The following TEAD1 variants were observed in gnomAD, a reference collection of about 807,000 sequenced individuals.
TEAD1 encodes the protein TEA domain transcription factor 1.
A neutral mutation model predicts 54.9 loss-of-function variants in TEAD1; 9 were observed. The ratio of observed to expected loss-of-function variants is 0.16; its 90% confidence interval spans 0.10 to 0.29. The LOEUF is 0.29. Among genes scored for constraint, TEAD1 ranks in the 10% least tolerant of loss-of-function variants. The probability of loss-of-function intolerance (pLI) is 1.00; values close to 1 mark genes in which losing one functional copy is unlikely to be tolerated. For synonymous variants in TEAD1, 200 were observed against 187.8 expected (o/e 1.07, Z -0.53); for missense variants, 387 against 535.9 (o/e 0.72, Z 2.74).
intron 2 of TEAD1, among the ~76,000 whole-genome samples, chr11:12,709,108 G>A (rs984913534): frequency 2.6e-5 from 4 of 152,094 alleles, no homozygotes; most frequent in Admixed American, 2.0e-4. Flanking sequence ...GAGGCCAAGT[G>A]GGGTGGATAT....
chr11:12,738,742 G>T (rs780162503), intron 2 of TEAD1, among the ~76,000 whole-genome samples: 1 of 152,144 alleles, frequency 6.6e-6, no homozygotes, highest in East Asian at 1.9e-4. Context: ...CCTTAAGACA[G>T]CCTGGCATGT....
At chr11:12,764,506 C>A in intron 3 of TEAD1, 72 bp downstream of exon 3, 2 of 1,554,460 alleles carry the variant, frequency 1.3e-6, no homozygotes, top group South Asian at 2.2e-5. Context: ...TGTAGCTGGT[C>A]TTCCAGCAAG....
chr11:12,895,083 A>G (rs1948284320), intron 9 of TEAD1, among the ~76,000 whole-genome samples: 1 of 152,118 alleles, frequency 6.6e-6, no homozygotes, highest in Admixed American at 6.6e-5. Context: ...CTGACACCAC[A>G]GTCCAGGTGT....
At chr11:12,833,978 T>C (rs556498952) in intron 3 of TEAD1, among the ~76,000 whole-genome samples, 2 of 152,324 alleles carry the variant, frequency 1.3e-5, no homozygotes, top group East Asian at 3.9e-4. Context: ...CACAGGCAGT[T>C]ATGTAAGGAC....
chr11:12,869,234 G>T (rs1947688381), intron 5 of TEAD1, among the ~76,000 whole-genome samples: 2 of 152,160 alleles, frequency 1.3e-5, no homozygotes, highest in African/African-American at 4.8e-5. Context: ...TAGCTAATAA[G>T]AGGGAGGCCA....
At chr11:12,689,873 A>G (rs945193733) in intron 2 of TEAD1, among the ~76,000 whole-genome samples, 2 of 151,824 alleles carry the variant, frequency 1.3e-5, no homozygotes, top group Non-Finnish European at 2.9e-5. Flanking sequence ...ATTAGTACAT[A>G]TTTTAAAAAT....
At chr11:12,768,998 G>T (rs556726525) in intron 3 of TEAD1, among the ~76,000 whole-genome samples, 1 of 152,180 alleles carries the variant, frequency 6.6e-6, no homozygotes, top group African/African-American at 2.4e-5. Context: ...CCTGGCCTCG[G>T]TAGTGGCCAG....
chr11:12,846,921 C>G (rs1564962027), intron 3 of TEAD1, among the ~76,000 whole-genome samples: 1 of 152,178 alleles, frequency 6.6e-6, no homozygotes, highest in African/African-American at 2.4e-5. Context: ...CTCAGCTGTG[C>G]TTGTGGCTTC....
intron 2 of TEAD1, among the ~76,000 whole-genome samples, chr11:12,706,365 G>T (rs1178391550): frequency 6.6e-6 from 1 of 152,176 alleles, no homozygotes; most frequent in East Asian, 1.9e-4. Context: ...TCCTGAAGCT[G>T]CAAGTGAAAG....
chr11:12,701,270 A>G (rs1943695940), intron 2 of TEAD1, among the ~76,000 whole-genome samples: 2 of 152,018 alleles, frequency 1.3e-5, no homozygotes, highest in African/African-American at 4.8e-5. Flanking sequence ...CAGCTTTAAA[A>G]CTATTGAAAG....
intron 3 of TEAD1, among the ~76,000 whole-genome samples, chr11:12,815,542 C>A (rs1946397415): frequency 6.6e-6 from 1 of 152,178 alleles, no homozygotes; most frequent in Non-Finnish European, 1.5e-5. Flanking sequence ...TGTGGACCTT[C>A]CCTCTTAGTT....
At chr11:12,929,997 T>C (rs1948985755) in intron 11 of TEAD1, among the ~76,000 whole-genome samples, 177 bp from the exon 12 acceptor site, 1 of 152,230 alleles carries the variant, frequency 6.6e-6, no homozygotes, top group African/African-American at 2.4e-5. Flanking sequence ...ATGGATTCTA[T>C]GTATAGCAAT....
chr11:12,880,927 G>A (rs1426148610), intron 6 of TEAD1, 78 bp from the exon 7 acceptor site: 6 of 1,501,118 alleles, frequency 4.0e-6, no homozygotes, highest in Non-Finnish European at 5.6e-6. Context: ...TTTTAGCAGG[G>A]GTTGTGATGC....
rs1409991628 is a variant in TEAD1, at chr11:12,891,248, A to G, written c.699+8123A>G. Among the ~76,000 whole-genome samples the G allele has an allele frequency of 3.9e-5, 6 of 152,334 alleles. No homozygotes were observed. The South Asian group carries it at 1.2e-3, about 32-fold the overall frequency. The stretch of plus-strand genomic sequence containing the variant: ...GCTTTGTAGTGATTTTAGTGCATAT[A>G]CAATCTAATATGAATATGTATTCTC... On this transcript the variant is annotated intron_variant, in intron 9 of 12. Transcript: ENST00000527636.
Position 12,883,040 on chromosome 11 carries a change from C to A in TEAD1, c.614C>A (p.Ala205Asp). Residue 205 changes from alanine to aspartate, a missense_variant, in exon 9 of 13, where the codon GCC becomes GAC. Coordinates refer to ENST00000527636, the MANE Select transcript of TEAD1 (RefSeq NM_021961.6). ...TCGGCCCCAGCTCCCTCAGTCCCTG[C>A]CTGGCAAGGTCGCTCCATTGGCACA... The A allele has an allele frequency of 6.2e-7, 1 of 1,614,184 alleles. No individual in the cohort carries two copies. The highest frequency in any genetic ancestry group is 8.5e-7 in the Non-Finnish European group (1 of 1,180,032).
At chr11:12,922,224 T>G in intron 10 of TEAD1, among the ~76,000 whole-genome samples, 1 of 42,924 alleles carries the variant, frequency 2.3e-5, no homozygotes, top group African/African-American at 9.5e-5. Context: ...TGAGACGGAG[T>G]CTCGCTCTGT....
chr11:12,735,328 A>G (rs114905280), intron 2 of TEAD1, among the ~76,000 whole-genome samples: 1,789 of 152,220 alleles, frequency 0.012, 41 homozygotes, highest in African/African-American at 0.04. Flanking sequence ...AATAAGCATT[A>G]GGGGAAGGGC....
chr11:12,880,212 C>T (rs1308567697), intron 6 of TEAD1, among the ~76,000 whole-genome samples: 2 of 152,136 alleles, frequency 1.3e-5, no homozygotes, highest in South Asian at 2.1e-4. Context: ...TGGTCTCTGT[C>T]CCTCTGTCTT....
intron 3 of TEAD1, among the ~76,000 whole-genome samples, chr11:12,787,395 A>C (rs1945701156): frequency 6.6e-6 from 1 of 152,198 alleles, no homozygotes; most frequent in Non-Finnish European, 1.5e-5. Context: ...TTTAAGGGAC[A>C]GTTCCCTAAT....
Sources: allele counts gnomAD v4.1 joint callset (sites outside exome capture counted in the v4.1 genomes callset), GRCh38; gene constraint gnomAD v4.1.1; transcripts MANE v1.5; gene names NCBI Gene and HGNC (gene_info 2026-07-23, HGNC 2026-07-21).